PITPNC1: variants seen among roughly 807,000 people sequenced by gnomAD.
PITPNC1 encodes the protein cytoplasmic phosphatidylinositol transfer protein 1.
A neutral mutation model predicts 44.7 loss-of-function variants in PITPNC1; 18 were observed. The observed-to-expected ratio is 0.40, with a 90% CI of 0.28 to 0.60. The LOEUF is 0.60. Ranked by LOEUF, PITPNC1 falls within the 20% of genes least tolerant of loss-of-function variation. The pLI is 0.39. For missense variants in PITPNC1, 290 were observed against 418.4 expected, an observed-to-expected ratio of 0.69 and a Z score of 2.68; for synonymous variants, 141 against 149.6, an observed-to-expected ratio of 0.94 and a Z score of 0.42.
chr17:67,649,916 T>G (rs2144364825), intron 6 of PITPNC1, among the ~76,000 whole-genome samples: 1 of 152,202 alleles, frequency 6.6e-6, no homozygotes, highest in South Asian at 2.1e-4. Flanking sequence ...GGGTGGGGAC[T>G]TGGGGCTTCC....
intron 6 of PITPNC1, among the ~76,000 whole-genome samples, chr17:67,644,200 G>A (rs1253200561): frequency 1.3e-5 from 2 of 152,198 alleles, no homozygotes; most frequent in Admixed American, 1.3e-4. Context: ...TTTGTGCCAA[G>A]TCTGGGCCAT....
chr17:67,618,874 A>G (rs2041795226), intron 5 of PITPNC1, among the ~76,000 whole-genome samples: 1 of 152,138 alleles, frequency 6.6e-6, no homozygotes. Flanking sequence ...CCTGGCTAAC[A>G]TAGTAAAACC....
rs189767864 is a variant in PITPNC1 at position 67,563,945 on chromosome 17, T to G, written c.294+10328T>G. Among the ~76,000 whole-genome samples the G allele has an allele frequency of 6.3e-4, 96 of 152,204 alleles. No homozygotes were observed. The South Asian group carries it at 6.6e-3, about 11-fold the overall frequency. ...TAGATATGTAGATTAGATAGATGGATGAATAGATAGATGATTGATAGATAT... is the reference window on the plus strand; with the variant it reads ...TAGATATGTAGATTAGATAGATGGAGGAATAGATAGATGATTGATAGATAT... On this transcript the variant is annotated intron_variant, in intron 4 of 8. Coordinates refer to ENST00000581322, the MANE Select transcript of PITPNC1 (RefSeq NM_012417.4).
intron 1 of PITPNC1, among the ~76,000 whole-genome samples, chr17:67,443,255 C>T (rs2039041628): frequency 6.6e-6 from 1 of 152,034 alleles, no homozygotes; most frequent in Non-Finnish European, 1.5e-5. Flanking sequence ...GTGCCCCTGT[C>T]TCCTGAATTG....
chr17:67,559,932 G>A (rs111490647), intron 4 of PITPNC1, among the ~76,000 whole-genome samples: 73 of 152,136 alleles, frequency 4.8e-4, no homozygotes, highest in Admixed American at 1.8e-3. Context: ...ATGTGAGACC[G>A]GTGTCATCAC....
intron 1 of PITPNC1, among the ~76,000 whole-genome samples, chr17:67,502,516 A>G (rs1234663900): frequency 1.3e-5 from 2 of 152,098 alleles, no homozygotes; most frequent in Non-Finnish European, 2.9e-5. Context: ...GTCAATCTAT[A>G]GTGGCCACTT....
intron 8 of PITPNC1, among the ~76,000 whole-genome samples, chr17:67,684,060 C>T (rs958352230): frequency 4.6e-5 from 7 of 150,920 alleles, no homozygotes; most frequent in African/African-American, 1.7e-4. Flanking sequence ...TCTATCTTCT[C>T]CTTACCAATT....
At chr17:67,618,428 G>C (rs542114230) in intron 5 of PITPNC1, among the ~76,000 whole-genome samples, 346 of 145,950 alleles carry the variant, frequency 2.4e-3, no homozygotes, top group Non-Finnish European at 4.1e-3. Flanking sequence ...TTTCTTCCTT[G>C]TATTTGACTG....
chr17:67,476,908 T>A (rs1213607757), intron 1 of PITPNC1, among the ~76,000 whole-genome samples: 1 of 152,300 alleles, frequency 6.6e-6, no homozygotes, highest in Admixed American at 6.5e-5. Flanking sequence ...CAGCATCACC[T>A]GCGAGCTTGT....
At chr17:67,385,825 A>C (rs2038039169) in intron 1 of PITPNC1, among the ~76,000 whole-genome samples, 1 of 152,076 alleles carries the variant, frequency 6.6e-6, no homozygotes, top group Admixed American at 6.5e-5. Context: ...ACACTAATGG[A>C]ACAGACAAGG....
intron 1 of PITPNC1, among the ~76,000 whole-genome samples, chr17:67,510,561 CA>C (rs1352013346): frequency 6.6e-6 from 1 of 152,220 alleles, no homozygotes; most frequent in African/African-American, 2.4e-5. Context: ...CTCGGCCTCC[CA>C]AAGTGCTGGG....
intron 4 of PITPNC1, among the ~76,000 whole-genome samples, chr17:67,574,186 A>G (rs2041103088): frequency 6.6e-6 from 1 of 152,172 alleles, no homozygotes; most frequent in Non-Finnish European, 1.5e-5. Context: ...CCCATTCTCC[A>G]CCTGGGGCAA....
chr17:67,559,583 C>G (rs1459441858), intron 4 of PITPNC1, among the ~76,000 whole-genome samples: 1 of 152,180 alleles, frequency 6.6e-6, no homozygotes, highest in East Asian at 1.9e-4. Context: ...GAAAAGCACC[C>G]TTGTGGAGAA....
intron 4 of PITPNC1, among the ~76,000 whole-genome samples, chr17:67,559,574 A>C (rs2040880529): frequency 6.6e-6 from 1 of 152,332 alleles, no homozygotes; most frequent in East Asian, 1.9e-4. Context: ...CACGGGCCTG[A>C]AAAGCACCCT....
At chr17:67,483,511 A>C (rs1215396866) in intron 1 of PITPNC1, among the ~76,000 whole-genome samples, 5 of 152,230 alleles carry the variant, frequency 3.3e-5, no homozygotes, top group Admixed American at 3.3e-4. Flanking sequence ...CATCTTTTAG[A>C]ATGCATTTCT....
chr17:67,585,978 C>T (rs901108324), intron 5 of PITPNC1, among the ~76,000 whole-genome samples: 1 of 152,150 alleles, frequency 6.6e-6, no homozygotes, highest in Non-Finnish European at 1.5e-5. Context: ...GTTTACACCA[C>T]CCAATCTGTG....
intron 2 of PITPNC1, among the ~76,000 whole-genome samples, chr17:67,533,827 G>A (rs541326062): frequency 1.1e-4 from 16 of 152,222 alleles, no homozygotes; most frequent in Admixed American, 2.6e-4. Flanking sequence ...CTAGTCAAGC[G>A]TGCCGTTTCT....
At chr17:67,397,141 C>T (rs937417035) in intron 1 of PITPNC1, among the ~76,000 whole-genome samples, 13 of 151,848 alleles carry the variant, frequency 8.6e-5, no homozygotes, top group South Asian at 2.1e-4. Context: ...CCACCACGCC[C>T]GGCTAATTTT....
At chr17:67,604,029 A>C (rs2144278835) in intron 5 of PITPNC1, among the ~76,000 whole-genome samples, 1 of 152,312 alleles carries the variant, frequency 6.6e-6, no homozygotes, top group Non-Finnish European at 1.5e-5. Context: ...AAGGGAAATA[A>C]GTCACTCCCA....
Sources: gnomAD v4.1 joint callset for allele counts (sites outside exome capture counted in the v4.1 genomes callset) on GRCh38, gnomAD v4.1.1 for gene constraint, MANE v1.5 for transcripts, NCBI Gene and HGNC (gene_info 2026-07-23, HGNC 2026-07-21) for gene names.